The following VPS45 variants were observed in gnomAD, a reference collection of about 807,000 sequenced individuals.
VPS45 encodes the protein vacuolar protein sorting 45 homolog, also known as vacuolar protein sorting-associated protein 45.
Under a neutral mutation model 75.9 loss-of-function variants are expected in VPS45, and 35 were observed. That is an observed-to-expected ratio of 0.46 (90% CI 0.35 to 0.61). The LOEUF is 0.61. VPS45 is among the 20% of genes least tolerant of loss of function. VPS45 has a pLI of 0.00. For missense variants in VPS45, 559 were observed against 685.9 expected, an observed-to-expected ratio of 0.81 and a Z score of 2.07; for synonymous variants, 220 against 238.2, an observed-to-expected ratio of 0.92 and a Z score of 0.70.
At chr1:150,125,933 G>A (rs1017798102) in intron 14 of VPS45, among the ~76,000 whole-genome samples, 2 of 151,892 alleles carry the variant, frequency 1.3e-5, no homozygotes, top group African/African-American at 2.4e-5. Context: ...TGATCCACCC[G>A]TCTCAGACTC....
chr1:150,073,323 C>T (rs1209261915), intron 3 of VPS45, among the ~76,000 whole-genome samples: 2 of 152,040 alleles, frequency 1.3e-5, no homozygotes, highest in African/African-American at 2.4e-5. Context: ...CAGTCTAAGA[C>T]GTACATACTT....
At chr1:150,067,690 C>T (rs1159893272), upstream of VPS45, 6 of 658,010 alleles carry the variant, frequency 9.1e-6, no homozygotes, top group Non-Finnish European at 1.6e-5. Context: ...GGCTTGGTCC[C>T]CTGTACACTC....
chr1:150,120,713 T>TAC (rs1658187557), intron 14 of VPS45, among the ~76,000 whole-genome samples: 1 of 150,318 alleles, frequency 6.7e-6, no homozygotes, highest in African/African-American at 2.5e-5. Flanking sequence ...CTTCCGTAGT[T>TAC]GTATGATTTG....
intron 4 of VPS45, 39 bp downstream of exon 4, chr1:150,076,351 C>A: frequency 6.7e-7 from 1 of 1,499,802 alleles, no homozygotes; most frequent in Non-Finnish European, 9.1e-7. Context: ...CGTATGTTGG[C>A]CCTTTTTAAA....
intron 14 of VPS45, among the ~76,000 whole-genome samples, chr1:150,129,854 A>ATTTT (rs781860953): frequency 7.2e-6 from 1 of 138,080 alleles, no homozygotes; most frequent in Non-Finnish European, 1.5e-5. Flanking sequence ...CGCCTGGCCA[A>ATTTT]TTTTTTTTTT....
At chr1:150,138,949 A>G (rs1328864040) in intron 14 of VPS45, among the ~76,000 whole-genome samples, 3 of 152,010 alleles carry the variant, frequency 2.0e-5, no homozygotes, top group Non-Finnish European at 2.9e-5. Flanking sequence ...TCTCACACCT[A>G]CATCCTGACT....
chr1:150,069,617 C>T (rs191937484), intron 2 of VPS45, among the ~76,000 whole-genome samples: 74 of 7,112 alleles, frequency 0.01, no homozygotes, highest in Admixed American at 0.047. Context: ...CCACCACGCC[C>T]GGCTAATTTT....
intron 3 of VPS45, among the ~76,000 whole-genome samples, chr1:150,075,885 G>C (rs970322376): frequency 6.7e-6 from 1 of 149,090 alleles, no homozygotes; most frequent in African/African-American, 2.5e-5. Flanking sequence ...GAGTAGCTGG[G>C]ACTACAGGCG....
chr1:150,122,840 A>G (rs1401083026), intron 14 of VPS45, among the ~76,000 whole-genome samples: 2 of 151,932 alleles, frequency 1.3e-5, no homozygotes, highest in Non-Finnish European at 2.9e-5. Context: ...TTGTACTACA[A>G]ATACAAAAAT....
intron 4 of VPS45, chr1:150,076,657 A>T: frequency 1.8e-6 from 1 of 550,260 alleles, no homozygotes; most frequent in Non-Finnish European, 3.2e-6. Flanking sequence ...ATAAGTATGC[A>T]TAGAGGTCTC....
At chr1:150,112,100 T>C (rs1472346906) in intron 14 of VPS45, among the ~76,000 whole-genome samples, 3 of 152,190 alleles carry the variant, frequency 2.0e-5, no homozygotes, top group Admixed American at 1.3e-4. Context: ...ATATATTTCT[T>C]TTGTGAATTG....
At chr1:150,133,131 T>C (rs1281396035) in intron 14 of VPS45, among the ~76,000 whole-genome samples, 1 of 152,214 alleles carries the variant, frequency 6.6e-6, no homozygotes, top group Admixed American at 6.5e-5. Context: ...AAATGTACTA[T>C]GAAGATAGTC....
intron 10 of VPS45, among the ~76,000 whole-genome samples, chr1:150,089,983 C>T (rs1553801610): frequency 6.6e-6 from 1 of 152,194 alleles, no homozygotes; most frequent in African/African-American, 2.4e-5. Flanking sequence ...TTGAAAGCTA[C>T]ATGGGAGGTT....
rs2101521872 is a variant in VPS45, at chr1:150,077,707, T to C, written c.615T>C (p.Arg205=). 6.2e-7 allele frequency: 1 copy of C among 1,614,112 alleles called. No homozygotes were observed. Among genetic ancestry groups the C allele is most frequent in the Non-Finnish European group, 8.5e-7 (1 of 1,179,982 alleles). The part of the protein sequence containing the change: ...ITKEYELFEF[R]RTEVPPLLLI... Reference sequence around the variant, plus strand: ...AAGAATATGAACTGTTTGAATTCCGTCGGACAGAGGTTCCTCCATTGCTCC... The same window carrying C: ...AAGAATATGAACTGTTTGAATTCCGCCGGACAGAGGTTCCTCCATTGCTCC... The change falls in exon 7 of 15, where the codon CGT becomes CGC. Residue 205 remains arginine (R), a synonymous_variant. Coordinates refer to ENST00000644510, the MANE Select transcript of VPS45 (RefSeq NM_007259.5).
intron 3 of VPS45, 62 bp from the exon 4 acceptor site, chr1:150,076,171 C>CTTTTT: frequency 7.3e-7 from 1 of 1,369,782 alleles, no homozygotes. Context: ...CTATCAGGCC[C>CTTTTT]TTTTACATAT....
chr1:150,093,809 C>T (rs1332016992), intron 13 of VPS45, among the ~76,000 whole-genome samples, 161 bp downstream of exon 13: 2 of 152,164 alleles, frequency 1.3e-5, no homozygotes, highest in Non-Finnish European at 2.9e-5. Context: ...GATATGAATT[C>T]CCCTGCTAAG....
At chr1:150,144,126 T>TG (rs1659551514) in intron 14 of VPS45, among the ~76,000 whole-genome samples, 1 of 151,104 alleles carries the variant, frequency 6.6e-6, no homozygotes, top group African/African-American at 2.4e-5. Context: ...TAATTTTTTT[T>TG]TTATTAGAGA....
chr1:150,094,189 C>T (rs1553802600), intron 13 of VPS45, among the ~76,000 whole-genome samples: 1 of 152,140 alleles, frequency 6.6e-6, no homozygotes, highest in Non-Finnish European at 1.5e-5. Flanking sequence ...AAAAACAAAA[C>T]TTGTCCAGAA....
Position 150,092,398 on chromosome 1 carries a change from A to G in VPS45, c.1360A>G (p.Lys454Glu). Residue 454 changes from lysine to glutamate, a missense_variant, in exon 12 of 15, where the codon AAA becomes GAA. By Grantham distance (56) the Lys-to-Glu change is moderately conservative. Coordinates refer to ENST00000644510, the MANE Select transcript of VPS45 (RefSeq NM_007259.5). ...TGTGGCTATCACCAAACAATTCCTC[A>G]AAGGACTGAAGGTATAGACATCTCC... ...DAVAITKQFL[K>E]GLKGVENVYT... The G allele has an allele frequency of 6.2e-7, 1 of 1,614,124 alleles. No individual in the cohort carries two copies. The highest frequency in any genetic ancestry group is 8.5e-7 in the Non-Finnish European group (1 of 1,179,988).
Sources: gnomAD v4.1 joint callset for allele counts (sites outside exome capture counted in the v4.1 genomes callset) on GRCh38, gnomAD v4.1.1 for gene constraint, MANE v1.5 for transcripts, NCBI Gene and HGNC (gene_info 2026-07-23, HGNC 2026-07-21) for gene names.